ZFPM2: variants seen among roughly 807,000 people sequenced by gnomAD.
The protein encoded by ZFPM2 is zinc finger protein, FOG family member 2, also known as zinc finger protein ZFPM2.
A neutral mutation model predicts 98.6 loss-of-function variants in ZFPM2; 20 were observed. That is an observed-to-expected ratio of 0.20 (90% CI 0.14 to 0.29). The LOEUF is 0.29. Among genes scored for constraint, ZFPM2 ranks in the 10% least tolerant of loss-of-function variants. The probability of loss-of-function intolerance (pLI) is 1.00; values close to 1 mark genes in which losing one functional copy is unlikely to be tolerated. For missense variants in ZFPM2, 1,310 were observed against 1,388.6 expected (o/e 0.94, Z 0.90); for synonymous variants, 518 against 502.7 (o/e 1.03, Z -0.41).
At chr8:105,456,168 G>GTT (rs1215254515) in intron 3 of ZFPM2, among the ~76,000 whole-genome samples, 1 of 133,646 alleles carries the variant, frequency 7.5e-6, no homozygotes, top group African/African-American at 2.8e-5. Context: ...TTGTTTGTTT[G>GTT]TTTTTTTTTT....
At chr8:105,743,749 T>G (rs1332396379) in intron 5 of ZFPM2, among the ~76,000 whole-genome samples, 1 of 152,088 alleles carries the variant, frequency 6.6e-6, no homozygotes, top group African/African-American at 2.4e-5. Context: ...GCTCTTCCTT[T>G]AAGTTAGTTT....
intron 5 of ZFPM2, among the ~76,000 whole-genome samples, chr8:105,707,770 G>A (rs1811297227): frequency 1.3e-5 from 2 of 152,178 alleles, no homozygotes; most frequent in Non-Finnish European, 2.9e-5. Flanking sequence ...ATGACTGATA[G>A]TCTGGCAGTA....
At chr8:105,644,563 C>T (rs993408467) in intron 5 of ZFPM2, among the ~76,000 whole-genome samples, 3 of 152,044 alleles carry the variant, frequency 2.0e-5, no homozygotes, top group African/African-American at 7.2e-5. Flanking sequence ...CACCATTTCT[C>T]TCTTTCTCTC....
At chr8:105,601,172 C>T (rs1816083938) in intron 4 of ZFPM2, among the ~76,000 whole-genome samples, 1 of 152,100 alleles carries the variant, frequency 6.6e-6, no homozygotes, top group Admixed American at 6.6e-5. Context: ...CTGCACCATA[C>T]TGCAAGGCTT....
At chr8:105,651,023 T>C (rs10098435) in intron 5 of ZFPM2, among the ~76,000 whole-genome samples, 72,355 of 151,942 alleles carry the variant, frequency 0.48, 17,522 homozygotes, top group African/African-American at 0.56. Context: ...TAAAACTCCA[T>C]TGAAGTGACT....
At chr8:105,738,635 C>T (rs898599409) in intron 5 of ZFPM2, among the ~76,000 whole-genome samples, 3 of 152,022 alleles carry the variant, frequency 2.0e-5, no homozygotes, top group Non-Finnish European at 4.4e-5. Context: ...TACACTTCCA[C>T]CAACAGTGTA....
chr8:105,325,608 G>A (rs977579852), intron 1 of ZFPM2, among the ~76,000 whole-genome samples: 2 of 151,770 alleles, frequency 1.3e-5, no homozygotes, highest in Admixed American at 1.3e-4. Context: ...TCTTATCTGT[G>A]CATAGAGAGT....
chr8:105,740,488 T>C (rs1229355736), intron 5 of ZFPM2, among the ~76,000 whole-genome samples: 1 of 148,820 alleles, frequency 6.7e-6, no homozygotes, highest in African/African-American at 2.4e-5. Context: ...TTCTAAAATA[T>C]CAGAGAACTC....
chr8:105,597,792 T>C (rs1247647382), intron 4 of ZFPM2, among the ~76,000 whole-genome samples: 3 of 152,154 alleles, frequency 2.0e-5, no homozygotes, highest in African/African-American at 7.2e-5. Flanking sequence ...ATTTTTCCCA[T>C]GAATAATGTC....
intron 4 of ZFPM2, among the ~76,000 whole-genome samples, chr8:105,611,847 C>T (rs1396290965): frequency 9.9e-5 from 15 of 151,912 alleles, no homozygotes; most frequent in African/African-American, 3.1e-4. Context: ...TACAGGCACC[C>T]ACCACCACGC....
intron 3 of ZFPM2, among the ~76,000 whole-genome samples, chr8:105,518,739 A>C (rs1176526412): frequency 1.3e-5 from 2 of 152,248 alleles, no homozygotes; most frequent in East Asian, 3.8e-4. Context: ...TGTACTAGAC[A>C]AGCAAGATAA....
chr8:105,426,166 CT>C (rs1421634255), intron 2 of ZFPM2, among the ~76,000 whole-genome samples: 1 of 152,108 alleles, frequency 6.6e-6, no homozygotes, highest in Non-Finnish European at 1.5e-5. Flanking sequence ...TTACAGGCAA[CT>C]TTTTTCCTTT....
intron 1 of ZFPM2, among the ~76,000 whole-genome samples, chr8:105,320,930 T>A (rs1812012783): frequency 1.3e-5 from 2 of 152,362 alleles, no homozygotes; most frequent in South Asian, 4.1e-4. Context: ...TTATTCACAG[T>A]GAGCATTGCC....
At position 105,798,718 on chromosome 8, in the gene ZFPM2, CT is replaced by C. The variant is rs1290213714; in HGVS notation, c.740-5del. 6.2e-7 allele frequency: 1 copy of C among 1,608,924 alleles called. No individual in the cohort carries two copies. The highest frequency in any genetic ancestry group is 2.2e-5 in the East Asian group (1 of 44,766). On this transcript the variant is annotated splice_region_variant and splice_polypyrimidine_tract_variant and intron_variant, in intron 6 of 7. Transcript: ENST00000407775. The stretch of plus-strand genomic sequence containing the variant: ...GCAAATGTGTCTCTTGTGTTTTTAC[CT>C]GCAGAGGATATATTCCCTTGCAAGT...
intron 3 of ZFPM2, among the ~76,000 whole-genome samples, chr8:105,504,526 C>T (rs1813657683): frequency 6.6e-6 from 1 of 152,086 alleles, no homozygotes; most frequent in Non-Finnish European, 1.5e-5. Flanking sequence ...ATAAAGCAGG[C>T]CATCGCGCTT....
At chr8:105,705,349 T>C (rs899620091) in intron 5 of ZFPM2, among the ~76,000 whole-genome samples, 3 of 152,146 alleles carry the variant, frequency 2.0e-5, no homozygotes, top group African/African-American at 7.2e-5. Context: ...TAAATACCAA[T>C]ATATAACGTG....
intron 5 of ZFPM2, among the ~76,000 whole-genome samples, chr8:105,679,525 A>C (rs1306321252): frequency 6.6e-6 from 1 of 152,186 alleles, no homozygotes; most frequent in Non-Finnish European, 1.5e-5. Context: ...AACTTGGGTA[A>C]ATCATGGAAA....
intron 3 of ZFPM2, among the ~76,000 whole-genome samples, chr8:105,457,493 C>T (rs1443012166): frequency 6.6e-6 from 1 of 152,124 alleles, no homozygotes; most frequent in African/African-American, 2.4e-5. Context: ...AGAAGATAGA[C>T]AAATGATGAG....
intron 4 of ZFPM2, among the ~76,000 whole-genome samples, chr8:105,566,186 A>G (rs1321344555): frequency 6.6e-6 from 1 of 152,150 alleles, no homozygotes; most frequent in African/African-American, 2.4e-5. Flanking sequence ...TGAGTTGGCA[A>G]TTAAAATGAA....
Sources: allele counts gnomAD v4.1 joint callset (sites outside exome capture counted in the v4.1 genomes callset), GRCh38; gene constraint gnomAD v4.1.1; transcripts MANE v1.5; gene names NCBI Gene and HGNC (gene_info 2026-07-23, HGNC 2026-07-21).